The following RRAGB variants were observed in gnomAD, a reference collection of about 807,000 sequenced individuals.
The protein encoded by RRAGB is ras-related GTP-binding protein B.
In RRAGB, 6 loss-of-function variants were observed where a neutral mutation model predicts 29.3. The observed-to-expected ratio is 0.21, with a 90% confidence interval of 0.11 to 0.40. The LOEUF (loss-of-function observed/expected upper bound fraction) is 0.40, where lower values mean the gene tolerates loss of function less well. RRAGB is among the 10% of genes least tolerant of loss of function. The pLI is 1.00. For synonymous variants in RRAGB, 101 were observed against 92.5 expected (o/e 1.09, Z -0.53); for missense variants, 184 against 272.9 (o/e 0.67, Z 2.29).
intron 3 of RRAGB, among the ~76,000 whole-genome samples, chrX:55,728,063 T>C (rs926804312): frequency 3.6e-5 from 4 of 110,374 alleles, no homozygotes; most frequent in African/African-American, 1.3e-4. Context: ...AGGTGAAGAA[T>C]AGAGGGGAGG....
At chrX:55,747,619 C>A (rs1156455517) in intron 5 of RRAGB, among the ~76,000 whole-genome samples, 4 of 111,484 alleles carry the variant, frequency 3.6e-5, no homozygotes, top group Non-Finnish European at 7.5e-5. Flanking sequence ...CACGTGGTAC[C>A]TTGCCTCTTA....
intron 5 of RRAGB, among the ~76,000 whole-genome samples, chrX:55,750,659 A>G (rs2034496669): frequency 9.0e-6 from 1 of 111,689 alleles, no homozygotes; most frequent in Non-Finnish European, 1.9e-5. Flanking sequence ...CTCCTGGGAA[A>G]ATATCTGTGT....
rs185946839 is a variant in RRAGB, at chrX:55,732,042, A to G, written c.516+456A>G. On this transcript the variant is annotated intron_variant, in intron 5 of 9. Coordinates refer to ENST00000374941, the MANE Select transcript of RRAGB (RefSeq NM_006064.5). Reference sequence around the variant, plus strand: ...AGGTCCCTCATAATTTCACTGATTTACTAGATTTCTCTTTTCTGACATGGG... The same window carrying G: ...AGGTCCCTCATAATTTCACTGATTTGCTAGATTTCTCTTTTCTGACATGGG... 3.4e-3 allele frequency among the ~76,000 whole-genome samples: 384 copies of G among 112,334 alleles called. 3 individuals are homozygous for G. Among genetic ancestry groups the G allele is most frequent in the African/African-American group, 0.012 (372 of 30,949 alleles).
At position 55,749,378 on chromosome X, in the gene RRAGB, C is replaced by T. The variant is rs865949746; in HGVS notation, c.517-1723C>T. The stretch of plus-strand genomic sequence containing the variant: ...GGAGGGAGGTGGGGGGGTCAGCCCC[C>T]GCCCGGTCAGCCGCCCCGTCCGGGA... On this transcript the variant is annotated intron_variant, in intron 5 of 9. Coordinates refer to ENST00000374941, the MANE Select transcript of RRAGB (RefSeq NM_006064.5). Among the ~76,000 whole-genome samples the T allele has an allele frequency of 6.7e-4, 64 of 95,833 alleles. 1 individual carries two copies. Among genetic ancestry groups the T allele is most frequent in the Admixed American group, 3.1e-3 (29 of 9,394 alleles). The allele number at this position is 95,833 out of a possible 115,157, so 83.2% of individuals were successfully genotyped here. A position where few individuals can be genotyped will look rare whatever the true frequency, so the allele number is the denominator to read the frequency against.
intron 2 of RRAGB, among the ~76,000 whole-genome samples, chrX:55,721,028 C>T (rs1349031446): frequency 3.6e-5 from 4 of 112,091 alleles, no homozygotes; most frequent in Non-Finnish European, 7.5e-5. Context: ...GACGAGTGCT[C>T]TCTGTGTGAC....
At position 55,747,850 on chromosome X, in the gene RRAGB, C is replaced by T. The variant is rs1271543815; in HGVS notation, c.517-3251C>T. Among the ~76,000 whole-genome samples the T allele has an allele frequency of 1.3e-4, 7 of 54,969 alleles. No individual in the cohort carries two copies. In the Admixed American group the frequency reaches 1.3e-3, roughly 10 times the overall value. The allele number at this position is 54,969 out of a possible 115,157, so 47.7% of individuals were successfully genotyped here. A position where few individuals can be genotyped will look rare whatever the true frequency, so the allele number is the denominator to read the frequency against. ...CTCCCTCTCCCTCTCCCTCTCCCCA[C>T]GGTCTCCCTCTCCCTCTTTCCACGG... On this transcript the variant is annotated intron_variant, in intron 5 of 9. Transcript: ENST00000374941.
At chrX:55,744,175 G>A (rs2034169373) in intron 5 of RRAGB, among the ~76,000 whole-genome samples, 1 of 108,803 alleles carries the variant, frequency 9.2e-6, no homozygotes, top group African/African-American at 3.3e-5. Context: ...AATCACTTGA[G>A]GTCAGAAATT....
chrX:55,757,856 G>A (rs1434079287), intron 9 of RRAGB, among the ~76,000 whole-genome samples: 4 of 111,424 alleles, frequency 3.6e-5, no homozygotes, highest in Non-Finnish European at 7.5e-5. Context: ...ATGCTTCCAT[G>A]CCATAATAAC....
chrX:55,735,635 G>A (rs996456917), intron 5 of RRAGB, among the ~76,000 whole-genome samples: 4 of 112,338 alleles, frequency 3.6e-5, no homozygotes, highest in African/African-American at 3.2e-5. Flanking sequence ...GACATGTGAT[G>A]TACTGTTGCA....
At chrX:55,752,237 A>G (rs1039425723) in intron 6 of RRAGB, 2 of 751,594 alleles carry the variant, frequency 2.7e-6, no homozygotes, top group Non-Finnish European at 3.1e-6. Flanking sequence ...CCTTATTCCC[A>G]TAGAACAGGT....
intron 5 of RRAGB, among the ~76,000 whole-genome samples, chrX:55,735,583 T>C (rs188370499): frequency 3.8e-4 from 43 of 112,163 alleles, no homozygotes; most frequent in African/African-American, 9.7e-4. Context: ...CTATTATCTT[T>C]TAAGTGGCAC....
At chrX:55,750,533 G>T (rs762145336) in intron 5 of RRAGB, among the ~76,000 whole-genome samples, 1 of 111,253 alleles carries the variant, frequency 9.0e-6, no homozygotes, top group African/African-American at 3.3e-5. Flanking sequence ...AAATGCCTTT[G>T]CAACAACATA....
intron 3 of RRAGB, among the ~76,000 whole-genome samples, chrX:55,725,277 A>C (rs754261277): frequency 8.9e-6 from 1 of 112,101 alleles, no homozygotes; most frequent in Non-Finnish European, 1.9e-5. Context: ...GACCTTTATT[A>C]CTAATACTTT....
intron 5 of RRAGB, among the ~76,000 whole-genome samples, chrX:55,738,629 C>T (rs1322729926): frequency 2.7e-5 from 3 of 112,332 alleles, no homozygotes; most frequent in Non-Finnish European, 5.6e-5. Context: ...CAGAAGTTTT[C>T]TCCTTCTCAA....
intron 6 of RRAGB, 39 bp downstream of exon 6, chrX:55,751,235 T>A (rs760036251): frequency 9.2e-6 from 7 of 764,568 alleles, no homozygotes; most frequent in Admixed American, 8.9e-5. Flanking sequence ...TTTAAGAGCA[T>A]GAAAAAAAAC....
chrX:55,742,213 G>A (rs920066701), intron 5 of RRAGB, among the ~76,000 whole-genome samples: 22 of 112,529 alleles, frequency 2.0e-4, no homozygotes, highest in African/African-American at 7.1e-4. Flanking sequence ...TCAAGATGAA[G>A]TACTCATGAC....
At chrX:55,753,578 A>G in intron 7 of RRAGB, 64 bp downstream of exon 7, 4 of 1,037,684 alleles carry the variant, frequency 3.9e-6, no homozygotes, top group Non-Finnish European at 5.2e-6. Context: ...AGCAACAGAG[A>G]ACAGCATGTC....
chrX:55,740,027 ATAAT>A (rs754173212), intron 5 of RRAGB, among the ~76,000 whole-genome samples: 1 of 112,334 alleles, frequency 8.9e-6, no homozygotes, highest in Admixed American at 9.4e-5. Context: ...TGGTGCAAAA[ATAAT>A]TGTGATTTTG....
In RRAGB at chrX:55,751,209, C is replaced by G; in HGVS notation, c.612+13C>G. On this transcript the variant is annotated intron_variant, in intron 6 of 9. Coordinates refer to ENST00000374941, the MANE Select transcript of RRAGB (RefSeq NM_006064.5). ...AACCCTCTATAAGGTGTGTATGTCT[C>G]CCTGAGTTCCCTCATTTTAAGAGCA... 3.3e-6 allele frequency: 3 copies of G among 916,189 alleles called. No homozygotes were observed. Among genetic ancestry groups the G allele is most frequent in the Non-Finnish European group, 4.7e-6 (3 of 644,992 alleles). 75.5% of individuals were successfully genotyped at this position (916,189 alleles called of 1,213,427 possible). A position where few individuals can be genotyped will look rare whatever the true frequency, so the allele number is the denominator to read the frequency against.
Sources: gnomAD v4.1 joint callset for allele counts (sites outside exome capture counted in the v4.1 genomes callset) on GRCh38, gnomAD v4.1.1 for gene constraint, MANE v1.5 for transcripts, NCBI Gene and HGNC (gene_info 2026-07-23, HGNC 2026-07-21) for gene names.